EYA2: variants seen among roughly 807,000 people sequenced by gnomAD.
EYA2 encodes protein phosphatase EYA2.
EYA2 carries 31 observed loss-of-function variants against 69.2 expected under a neutral mutation model. The observed-to-expected ratio is 0.45, with a 90% CI of 0.34 to 0.60. The LOEUF is 0.60. Ranked by LOEUF, EYA2 falls within the 20% of genes least tolerant of loss-of-function variation. The probability of loss-of-function intolerance (pLI) is 0.02; values close to 1 mark genes in which losing one functional copy is unlikely to be tolerated. For missense variants in EYA2, 622 were observed against 701.2 expected, an observed-to-expected ratio of 0.89 and a Z score of 1.28; for synonymous variants, 257 against 279.4, an observed-to-expected ratio of 0.92 and a Z score of 0.80.
intron 5 of EYA2, among the ~76,000 whole-genome samples, chr20:47,063,395 G>A (rs1229238390): frequency 1.2e-4 from 3 of 24,274 alleles, no homozygotes; most frequent in South Asian, 1.7e-3. Context: ...GCGTGTGCGT[G>A]TGTGTGTGTG....
At chr20:46,957,567 AC>A (rs1568686803) in intron 1 of EYA2, among the ~76,000 whole-genome samples, 4,775 of 150,608 alleles carry the variant, frequency 0.032, 272 homozygotes, top group African/African-American at 0.1. Flanking sequence ...ACACACACAC[AC>A]ACACACACAC....
At chr20:47,013,246 G>T (rs1324193361) in intron 4 of EYA2, among the ~76,000 whole-genome samples, 1 of 152,140 alleles carries the variant, frequency 6.6e-6, no homozygotes, top group Non-Finnish European at 1.5e-5. Context: ...CAGTGAATGG[G>T]GTTGAGTGCC....
At chr20:47,142,459 G>C (rs951701326) in intron 9 of EYA2, among the ~76,000 whole-genome samples, 3 of 152,250 alleles carry the variant, frequency 2.0e-5, no homozygotes, top group Non-Finnish European at 4.4e-5. Context: ...ACTCCAGAAT[G>C]ACTTCGTTTG....
intron 1 of EYA2, among the ~76,000 whole-genome samples, chr20:46,899,201 T>C (rs928960551): frequency 7.2e-5 from 11 of 152,260 alleles, no homozygotes; most frequent in African/African-American, 2.7e-4. Flanking sequence ...GCCTTATCCA[T>C]GTGCAATACA....
At chr20:47,126,046 AGGGCAGGTCTGCAGAC>A (rs1015671857) in intron 9 of EYA2, among the ~76,000 whole-genome samples, 14 of 152,162 alleles carry the variant, frequency 9.2e-5, no homozygotes, top group African/African-American at 3.1e-4. Flanking sequence ...ATCTCCAGAG[AGGGCAGGTCTGCAGAC>A]GGGCAGGTCT....
intron 7 of EYA2, among the ~76,000 whole-genome samples, chr20:47,084,617 A>T: frequency 6.6e-6 from 1 of 152,212 alleles, no homozygotes. Flanking sequence ...AGATATAGGG[A>T]TGGCCAAAAG....
At chr20:47,130,960 G>C (rs894628367) in intron 9 of EYA2, among the ~76,000 whole-genome samples, 1 of 151,936 alleles carries the variant, frequency 6.6e-6, no homozygotes, top group Non-Finnish European at 1.5e-5. Context: ...GTAGTGGCGG[G>C]TGCCTGTAAT....
At chr20:47,067,465 ACAAAGGATAAATG>A (rs2031156137) in intron 5 of EYA2, among the ~76,000 whole-genome samples, 1 of 152,200 alleles carries the variant, frequency 6.6e-6, no homozygotes, top group African/African-American at 2.4e-5. Context: ...TGTTTATAAC[ACAAAGGATAAATG>A]CTTGAGGTGA....
At chr20:47,061,543 A>G (rs2030888318) in intron 5 of EYA2, among the ~76,000 whole-genome samples, 1 of 152,094 alleles carries the variant, frequency 6.6e-6, no homozygotes, top group Non-Finnish European at 1.5e-5. Flanking sequence ...TGAAAAAAAA[A>G]AATCCCTCTT....
chr20:46,925,434 A>T (rs1985373717), intron 1 of EYA2, among the ~76,000 whole-genome samples: 1 of 152,226 alleles, frequency 6.6e-6, no homozygotes, highest in African/African-American at 2.4e-5. Flanking sequence ...TCATATGACA[A>T]AAAAAGAGGC....
At chr20:47,170,497 A>G (rs374683169) in intron 11 of EYA2, among the ~76,000 whole-genome samples, 17 of 151,752 alleles carry the variant, frequency 1.1e-4, no homozygotes, top group African/African-American at 4.1e-4. Context: ...AAATACAAAA[A>G]TTAGCCGGGC....
At chr20:47,035,717 A>G (rs971626373) in intron 5 of EYA2, among the ~76,000 whole-genome samples, 1 of 152,086 alleles carries the variant, frequency 6.6e-6, no homozygotes, top group Non-Finnish European at 1.5e-5. Context: ...GAATGATCAT[A>G]AAAATAGCTA....
chr20:47,182,825 TACTC>T (rs1211197954), intron 14 of EYA2, among the ~76,000 whole-genome samples: 1 of 151,400 alleles, frequency 6.6e-6, no homozygotes, highest in Non-Finnish European at 1.5e-5. Flanking sequence ...CAGTCCCAGT[TACTC>T]AGGAGGCCGA....
intron 1 of EYA2, among the ~76,000 whole-genome samples, chr20:46,970,153 C>T (rs1980050588): frequency 6.6e-6 from 1 of 152,228 alleles, no homozygotes; most frequent in South Asian, 2.1e-4. Flanking sequence ...AATCAGTTCT[C>T]AGATTGCCAT....
intron 1 of EYA2, among the ~76,000 whole-genome samples, chr20:46,966,760 G>A (rs1600589558): frequency 1.3e-5 from 2 of 151,524 alleles, no homozygotes; most frequent in East Asian, 1.9e-4. Context: ...CAGTGAGTCG[G>A]TATCATATTG....
chr20:47,009,914 A>G (rs1478629487), intron 4 of EYA2, among the ~76,000 whole-genome samples: 2 of 152,218 alleles, frequency 1.3e-5, no homozygotes, highest in African/African-American at 2.4e-5. Flanking sequence ...TTCTTTTGCA[A>G]CTTGCTTTTT....
chr20:46,913,008 A>G (rs1370640145), intron 1 of EYA2, among the ~76,000 whole-genome samples: 1 of 152,144 alleles, frequency 6.6e-6, no homozygotes, highest in Non-Finnish European at 1.5e-5. Flanking sequence ...CCTTAATTTT[A>G]ATTTTAAATA....
chr20:46,929,152 C>CAAAAAAAAA (rs11329475), intron 1 of EYA2, among the ~76,000 whole-genome samples: 4 of 98,330 alleles, frequency 4.1e-5, no homozygotes, highest in Non-Finnish European at 6.4e-5. Context: ...ATAAGTTGTG[C>CAAAAAAAAA]AAAAAAAAAA....
chr20:47,108,171 TC>T (rs1461546170), intron 9 of EYA2, among the ~76,000 whole-genome samples: 3 of 152,238 alleles, frequency 2.0e-5, no homozygotes, highest in Non-Finnish European at 4.4e-5. Context: ...TGAAATTTCA[TC>T]CCCATTGTTG....
Sources: gnomAD v4.1 joint callset for allele counts (sites outside exome capture counted in the v4.1 genomes callset) on GRCh38, gnomAD v4.1.1 for gene constraint, MANE v1.5 for transcripts, NCBI Gene and HGNC (gene_info 2026-07-23, HGNC 2026-07-21) for gene names.